ESRP1: variants seen among roughly 807,000 people sequenced by gnomAD.
ESRP1 encodes epithelial splicing regulatory protein 1.
Under a neutral mutation model 81.7 loss-of-function variants are expected in ESRP1, and 33 were observed. The ratio of observed to expected loss-of-function variants is 0.40; its 90% confidence interval spans 0.31 to 0.54. ESRP1 has a LOEUF of 0.54. Among genes scored for constraint, ESRP1 ranks in the 20% least tolerant of loss-of-function variants. ESRP1 has a pLI of 0.41. For synonymous variants in ESRP1, 320 were observed against 303.3 expected (o/e 1.06, Z -0.57); for missense variants, 672 against 833.1 (o/e 0.81, Z 2.38).
At position 94,681,469 on chromosome 8, in the gene ESRP1, C is replaced by T. The variant is rs560980071; in HGVS notation, c.1820+3098C>T. Among the ~76,000 whole-genome samples the T allele has an allele frequency of 2.6e-5, 4 of 151,148 alleles. No individual in the cohort carries two copies. The South Asian group carries it at 8.4e-4, about 32-fold the overall frequency. On this transcript the variant is annotated intron_variant, in intron 13 of 15. Coordinates refer to ENST00000433389, the MANE Select transcript of ESRP1 (RefSeq NM_017697.4). Reference sequence around the variant, plus strand: ...CCTGGCCAACATGGTGAAACTCCATCTACTAAAAAATACAAAAAGTAGCTG... The same window carrying T: ...CCTGGCCAACATGGTGAAACTCCATTTACTAAAAAATACAAAAAGTAGCTG...
chr8:94,653,441 G>C (rs1037617994), intron 4 of ESRP1, among the ~76,000 whole-genome samples: 8 of 152,168 alleles, frequency 5.3e-5, no homozygotes, highest in Non-Finnish European at 1.0e-4. Context: ...CTGCCACTTA[G>C]CTGGTGGTTG....
intron 4 of ESRP1, among the ~76,000 whole-genome samples, chr8:94,659,834 A>G (rs1447778798): frequency 3.3e-5 from 5 of 152,240 alleles, no homozygotes; most frequent in African/African-American, 9.6e-5. Flanking sequence ...ACTTATTGCT[A>G]TGATATGGAG....
At chr8:94,650,697 A>G (rs1408990234) in intron 4 of ESRP1, among the ~76,000 whole-genome samples, 1 of 151,696 alleles carries the variant, frequency 6.6e-6, no homozygotes, top group Non-Finnish European at 1.5e-5. Flanking sequence ...TTTCATATGG[A>G]CATAGGTTTT....
Position 94,692,803 on chromosome 8 carries a change from T to C in ESRP1, c.1947T>C (p.Ile649=). Reference sequence around the variant, plus strand: ...CCTACAATACTGGAGTTAAGGAAATTCTTAACTTCTTCCAAGGTTACCAGG... The same window carrying C: ...CCTACAATACTGGAGTTAAGGAAATCCTTAACTTCTTCCAAGGTTACCAGG... ...GLAYNTGVKE[I]LNFFQGYQYA... The change falls in exon 14 of 16, where the codon ATT becomes ATC. Residue 649 remains isoleucine, a synonymous_variant. Coordinates refer to ENST00000433389, the MANE Select transcript of ESRP1 (RefSeq NM_017697.4). The C allele has an allele frequency of 6.2e-7, 1 of 1,613,550 alleles. No homozygotes were observed.
At chr8:94,705,899 T>C (rs942129270) in intron 15 of ESRP1, 26 bp from the exon 16 acceptor site, 17 of 1,452,954 alleles carry the variant, frequency 1.2e-5, no homozygotes, top group African/African-American at 5.7e-5. Context: ...TTTCCTTTTA[T>C]TCACTTTTTT....
In ESRP1 at chr8:94,657,265, G is replaced by A. The variant is rs146406562; in HGVS notation, c.491-5007G>A. On this transcript the variant is annotated intron_variant, in intron 4 of 15. Coordinates refer to ENST00000433389, the MANE Select transcript of ESRP1 (RefSeq NM_017697.4). ...ACTGCCTTGAGGGCAGAATGAGTAA[G>A]TTGCATGAGGAGCTATAAATTAGGA... 1.8e-4 allele frequency among the ~76,000 whole-genome samples: 27 copies of A among 152,352 alleles called. 1 individual carries two copies. The East Asian group carries it at 4.4e-3, about 25-fold the overall frequency.
chr8:94,700,020 A>G (rs73695570), intron 15 of ESRP1, among the ~76,000 whole-genome samples: 3,088 of 152,298 alleles, frequency 0.02, 96 homozygotes, highest in African/African-American at 0.069. Context: ...AACCCTGCAA[A>G]GAGGCATCAT....
At chr8:94,666,987 G>A (rs1819047248) in intron 9 of ESRP1, among the ~76,000 whole-genome samples, 1 of 152,142 alleles carries the variant, frequency 6.6e-6, no homozygotes, top group Admixed American at 6.6e-5. Flanking sequence ...CGGATCACTT[G>A]TGGTCAAGAG....
chr8:94,664,394 G>A (rs1244751499), intron 6 of ESRP1, among the ~76,000 whole-genome samples: 1 of 152,146 alleles, frequency 6.6e-6, no homozygotes, highest in Non-Finnish European at 1.5e-5. Flanking sequence ...AAAGTGCTGG[G>A]ATTACAGACA....
chr8:94,686,609 T>G (rs1809151005), intron 13 of ESRP1, among the ~76,000 whole-genome samples: 1 of 152,258 alleles, frequency 6.6e-6, no homozygotes, highest in Non-Finnish European at 1.5e-5. Context: ...CACTGTTACA[T>G]TGACTTGGTC....
intron 13 of ESRP1, among the ~76,000 whole-genome samples, chr8:94,681,780 C>G (rs1409106637): frequency 6.6e-6 from 1 of 151,956 alleles, no homozygotes. Context: ...CTACTAATAC[C>G]AAAATTGCCA....
chr8:94,662,208 A>G, intron 4 of ESRP1, 64 bp from the exon 5 acceptor site: 1 of 1,044,614 alleles, frequency 9.6e-7, no homozygotes, highest in Middle Eastern at 3.0e-4. Flanking sequence ...GTATAGGTTT[A>G]ATTTTGATTT....
chr8:94,653,264 A>G (rs992223411), intron 4 of ESRP1, among the ~76,000 whole-genome samples: 2 of 152,170 alleles, frequency 1.3e-5, no homozygotes. Flanking sequence ...GTGCTCTATT[A>G]TCAGTGTGTG....
intron 4 of ESRP1, among the ~76,000 whole-genome samples, chr8:94,652,949 G>A (rs1259269113): frequency 6.6e-6 from 1 of 152,144 alleles, no homozygotes; most frequent in East Asian, 1.9e-4. Flanking sequence ...AATCATTTGA[G>A]GCACGTTGGC....
intron 4 of ESRP1, chr8:94,656,220 A>C (rs1408451847): frequency 6.6e-6 from 1 of 151,798 alleles, no homozygotes; most frequent in Non-Finnish European, 1.5e-5. Flanking sequence ...AAAAAAAAAA[A>C]AAAAAAAAAT....
At chr8:94,690,468 G>A (rs2130709908) in intron 13 of ESRP1, among the ~76,000 whole-genome samples, 1 of 151,926 alleles carries the variant, frequency 6.6e-6, no homozygotes, top group Non-Finnish European at 1.5e-5. Context: ...TTACTTTCAT[G>A]TCCTGTCAGG....
chr8:94,705,152 A>C (rs1375905746), intron 15 of ESRP1, among the ~76,000 whole-genome samples: 1 of 94,476 alleles, frequency 1.1e-5, no homozygotes. Context: ...GTCATGCCTT[A>C]TTGCTTTTTT....
chr8:94,692,891 A>G, intron 14 of ESRP1, 64 bp downstream of exon 14: 2 of 1,522,916 alleles, frequency 1.3e-6, no homozygotes, highest in Admixed American at 3.8e-5. Flanking sequence ...TGCCTAAAGA[A>G]TGCAGCCAGG....
chr8:94,677,085 G>A (rs1437795289), intron 12 of ESRP1, among the ~76,000 whole-genome samples: 1 of 152,078 alleles, frequency 6.6e-6, no homozygotes, highest in Non-Finnish European at 1.5e-5. Flanking sequence ...CTTTTGCACA[G>A]TTTTTGATGA....
Sources: gnomAD v4.1 joint callset for allele counts (sites outside exome capture counted in the v4.1 genomes callset) on GRCh38, gnomAD v4.1.1 for gene constraint, MANE v1.5 for transcripts, NCBI Gene and HGNC (gene_info 2026-07-23, HGNC 2026-07-21) for gene names.